KPNA1: variants seen among roughly 807,000 people sequenced by gnomAD.
KPNA1 encodes the protein karyopherin subunit alpha 1.
A neutral mutation model predicts 70.5 loss-of-function variants in KPNA1; 10 were observed. That is an observed-to-expected ratio of 0.14 (90% CI 0.09 to 0.24). The LOEUF is 0.24. KPNA1 is among the 10% of genes least tolerant of loss of function. KPNA1 has a pLI of 1.00. For missense variants in KPNA1, 397 were observed against 637.9 expected (o/e 0.62, Z 4.07); for synonymous variants, 192 against 221.9 (o/e 0.87, Z 1.20).
intron 10 of KPNA1, among the ~76,000 whole-genome samples, chr3:122,439,887 G>A: frequency 6.6e-6 from 1 of 152,106 alleles, no homozygotes; most frequent in East Asian, 1.9e-4. Flanking sequence ...TCATGTGTAG[G>A]TAAAGAGAAT....
chr3:122,474,943 A>C (rs1463718982), intron 2 of KPNA1, among the ~76,000 whole-genome samples: 2 of 152,202 alleles, frequency 1.3e-5, no homozygotes, highest in Admixed American at 1.3e-4. Context: ...CTAAGATCAG[A>C]AACAAGACAA....
chr3:122,438,623 T>A (rs900389980), intron 10 of KPNA1, among the ~76,000 whole-genome samples: 6 of 152,144 alleles, frequency 3.9e-5, no homozygotes, highest in Non-Finnish European at 7.4e-5. Flanking sequence ...CGACCTCATG[T>A]GATCCACCTA....
At chr3:122,492,805 G>A (rs1248693045) in intron 2 of KPNA1, among the ~76,000 whole-genome samples, 1 of 152,140 alleles carries the variant, frequency 6.6e-6, no homozygotes, top group Non-Finnish European at 1.5e-5. Flanking sequence ...TCTTTCCAGA[G>A]AAAAAGGCTA....
chr3:122,436,781 G>A lies in KPNA1; in HGVS notation c.1122+389C>T, dbSNP rs188893658. 2.0e-5 allele frequency among the ~76,000 whole-genome samples: 3 copies of A among 152,216 alleles called. No homozygotes were observed. In the East Asian group the frequency reaches 5.8e-4, roughly 29 times the overall value. ...CAAAGCAATAATGAAAACGATATAC[G>A]TTTTATTTTGTTTTGAGATGGAGTC... On this transcript the variant is annotated intron_variant, in intron 11 of 13. Transcript: ENST00000344337.
chr3:122,440,744 T>C (rs368155974), intron 10 of KPNA1, among the ~76,000 whole-genome samples: 7 of 152,274 alleles, frequency 4.6e-5, no homozygotes, highest in East Asian at 3.9e-4. Flanking sequence ...AAAGGATGAA[T>C]AGAGACAGAA....
intron 2 of KPNA1, among the ~76,000 whole-genome samples, chr3:122,468,375 C>A (rs934702834): frequency 6.6e-6 from 1 of 152,148 alleles, no homozygotes; most frequent in Admixed American, 6.5e-5. Context: ...ACAGGAGGTT[C>A]TCTCTGAGAT....
In KPNA1 at chr3:122,425,450, C is replaced by CT. The variant is rs1560010812; in HGVS notation, c.*1534dup. ...ATGCTCTGAAACAGAGGTGAGCAAC[C>CT]TTTTCCTTCAGAATTCACTTTGAAC... On this transcript the variant is annotated 3_prime_UTR_variant, in exon 14 of 14. Coordinates refer to ENST00000344337, the MANE Select transcript of KPNA1 (RefSeq NM_002264.4). 6.6e-6 allele frequency: 1 copy of CT among 152,510 alleles called. No individual in the cohort carries two copies. Among genetic ancestry groups the CT allele is most frequent in the Non-Finnish European group, 1.5e-5 (1 of 68,006 alleles). The allele number at this position is 152,510 out of a possible 1,614,324, so 9.4% of individuals were successfully genotyped here.
At chr3:122,468,591 A>G (rs2076407360) in intron 2 of KPNA1, among the ~76,000 whole-genome samples, 1 of 152,248 alleles carries the variant, frequency 6.6e-6, no homozygotes, top group Non-Finnish European at 1.5e-5. Flanking sequence ...TAAAAAACAC[A>G]TTTTGAAGAG....
chr3:122,477,861 A>C (rs1576324621), intron 2 of KPNA1, among the ~76,000 whole-genome samples: 1 of 24,588 alleles, frequency 4.1e-5, no homozygotes, highest in Non-Finnish European at 8.9e-5. Context: ...TATCTGTATC[A>C]AAAAAAAAAA....
intron 8 of KPNA1, 127 bp downstream of exon 8, chr3:122,451,407 C>G: frequency 1.7e-6 from 1 of 589,356 alleles, no homozygotes; most frequent in Non-Finnish European, 2.9e-6. Context: ...CCTGTTTCTC[C>G]AAAAACAGAT....
chr3:122,474,252 A>T (rs1381147384), intron 2 of KPNA1, among the ~76,000 whole-genome samples: 1 of 152,198 alleles, frequency 6.6e-6, no homozygotes, highest in Non-Finnish European at 1.5e-5. Flanking sequence ...AAGACTCAAC[A>T]TTGGCAAGAT....
In KPNA1 at chr3:122,443,490, C is replaced by G. The variant is rs575232374; in HGVS notation, c.918-1374G>C. On this transcript the variant is annotated intron_variant, in intron 9 of 13. Coordinates refer to ENST00000344337, the MANE Select transcript of KPNA1 (RefSeq NM_002264.4). ...ATGGTGTTTGAGCTCTGAGAATGGA[C>G]AGACTACCTCCTCAAGTGGGTCCCT... Among the ~76,000 whole-genome samples the G allele has an allele frequency of 3.9e-5, 6 of 152,306 alleles. No homozygotes were observed. In the South Asian group the frequency reaches 1.2e-3, roughly 32 times the overall value.
intron 1 of KPNA1, among the ~76,000 whole-genome samples, chr3:122,499,899 C>A (rs2076806867): frequency 6.6e-6 from 1 of 152,088 alleles, no homozygotes; most frequent in Admixed American, 6.6e-5. Flanking sequence ...TATATTATTT[C>A]TTTAAATGTT....
intron 2 of KPNA1, among the ~76,000 whole-genome samples, chr3:122,485,434 A>T (rs997994204): frequency 2.7e-5 from 4 of 149,198 alleles, no homozygotes; most frequent in Non-Finnish European, 5.9e-5. Context: ...ATGGCACCTG[A>T]ACGACTGGAT....
At chr3:122,451,106 A>G (rs1004817125) in intron 8 of KPNA1, among the ~76,000 whole-genome samples, 5 of 152,122 alleles carry the variant, frequency 3.3e-5, no homozygotes, top group Non-Finnish European at 5.9e-5. Context: ...CAAGTAACTC[A>G]TGTACCTAAA....
rs1177106304 is a variant in KPNA1 at position 122,433,895 on chromosome 3, C to T, written c.1123-107G>A. The T allele has an allele frequency of 5.4e-5, 44 of 818,002 alleles. 1 individual carries two copies. Among genetic ancestry groups the T allele is most frequent in the South Asian group, 2.0e-4 (10 of 50,782 alleles). The allele number at this position is 818,002 out of a possible 1,614,324, so 50.7% of individuals were successfully genotyped here. ...AGTTTGACTATTAACACCCCTTCTC[C>T]TGTCAGAAATAAATTGAAAAGAGTT... On this transcript the variant is annotated intron_variant, in intron 11 of 13. Transcript: ENST00000344337.
At chr3:122,459,161 T>C (rs995287137) in intron 5 of KPNA1, among the ~76,000 whole-genome samples, 2 of 152,120 alleles carry the variant, frequency 1.3e-5, no homozygotes, top group African/African-American at 4.8e-5. Context: ...TAAAAAAAGA[T>C]GTAGAATGTC....
At chr3:122,448,025 T>C (rs950777529) in intron 9 of KPNA1, among the ~76,000 whole-genome samples, 2 of 152,170 alleles carry the variant, frequency 1.3e-5, no homozygotes, top group Admixed American at 1.3e-4. Context: ...TCATCATCAC[T>C]GGTCATCAGA....
intron 1 of KPNA1, among the ~76,000 whole-genome samples, chr3:122,513,347 T>C (rs1393058166): frequency 6.6e-6 from 1 of 152,224 alleles, no homozygotes; most frequent in Non-Finnish European, 1.5e-5. Flanking sequence ...TTACGTCTCA[T>C]CTATCCATAA....
Sources: gnomAD v4.1 joint callset for allele counts (sites outside exome capture counted in the v4.1 genomes callset) on GRCh38, gnomAD v4.1.1 for gene constraint, MANE v1.5 for transcripts, NCBI Gene and HGNC (gene_info 2026-07-23, HGNC 2026-07-21) for gene names.